The following ZMAT4 variants were observed in gnomAD, a reference collection of about 807,000 sequenced individuals.
The protein encoded by ZMAT4 is zinc finger matrin-type protein 4.
In ZMAT4, 17 loss-of-function variants were observed where a neutral mutation model predicts 28.7. That is an observed-to-expected ratio of 0.59 (90% CI 0.41 to 0.89). The LOEUF is 0.89. Ranked by LOEUF, ZMAT4 falls within the 40% of genes least tolerant of loss-of-function variation. The pLI, the probability that ZMAT4 is intolerant of heterozygous loss-of-function variation, is 0.00. For synonymous variants in ZMAT4, 117 were observed against 109.2 expected, an observed-to-expected ratio of 1.07 and a Z score of -0.44; for missense variants, 240 against 283.8, an observed-to-expected ratio of 0.85 and a Z score of 1.11.
At chr8:40,691,567 G>A (rs1357957223) in intron 4 of ZMAT4, among the ~76,000 whole-genome samples, 1 of 152,108 alleles carries the variant, frequency 6.6e-6, no homozygotes, top group Middle Eastern at 3.2e-3. Context: ...AGTGCCAGGA[G>A]AATTAATTTG....
chr8:40,727,537 G>T (rs1473408312), intron 3 of ZMAT4, among the ~76,000 whole-genome samples: 1 of 152,158 alleles, frequency 6.6e-6, no homozygotes, highest in East Asian at 1.9e-4. Context: ...GTGGATACTT[G>T]AACAAAATTG....
intron 2 of ZMAT4, among the ~76,000 whole-genome samples, chr8:40,777,361 A>C (rs1813641859): frequency 6.6e-6 from 1 of 152,176 alleles, no homozygotes; most frequent in African/African-American, 2.4e-5. Flanking sequence ...GACATCTCAG[A>C]CTGAGTGACA....
intron 5 of ZMAT4, among the ~76,000 whole-genome samples, chr8:40,627,207 G>A (rs914556012): frequency 6.6e-6 from 1 of 152,180 alleles, no homozygotes; most frequent in African/African-American, 2.4e-5. Flanking sequence ...GGCTAAGAAT[G>A]TTGCTGTGGA....
chr8:40,883,843 C>T (rs1484060929), intron 1 of ZMAT4, among the ~76,000 whole-genome samples: 4 of 152,156 alleles, frequency 2.6e-5, no homozygotes, highest in African/African-American at 9.7e-5. Context: ...GCTACCTCCG[C>T]AGCAGCTCCA....
intron 2 of ZMAT4, among the ~76,000 whole-genome samples, chr8:40,799,264 G>A (rs1220261067): frequency 1.3e-5 from 2 of 152,148 alleles, no homozygotes; most frequent in Non-Finnish European, 2.9e-5. Context: ...TAGAGAGAGA[G>A]GGAGACAGAT....
chr8:40,656,972 T>C (rs1474618290), intron 5 of ZMAT4, among the ~76,000 whole-genome samples: 3 of 152,162 alleles, frequency 2.0e-5, no homozygotes, highest in African/African-American at 7.2e-5. Flanking sequence ...ACCAGTGAAA[T>C]GTATACTTCA....
Position 40,638,837 on chromosome 8 carries a change from T to C in ZMAT4, c.577+35867A>G, listed in dbSNP as rs148954083. Among the ~76,000 whole-genome samples, 75 of 152,310 alleles carry C rather than the reference T, an allele frequency of 4.9e-4. No homozygotes were observed. In the East Asian group the frequency reaches 0.014, roughly 29 times the overall value. ...GTGTAAATGTACAAGGTAATAAGTA[T>C]GGGGAATAAAAAAGGATAATGAAGA... is the stretch of plus-strand genomic sequence containing the variant. On this transcript the variant is annotated intron_variant, in intron 5 of 6. Coordinates refer to ENST00000297737, the MANE Select transcript of ZMAT4 (RefSeq NM_024645.3).
Position 40,825,629 on chromosome 8 carries a change from G to T in ZMAT4, c.48C>A (p.Cys16Ter), listed in dbSNP as rs762314111. 6 of 1,555,730 alleles carry T rather than the reference G, an allele frequency of 3.9e-6. No homozygotes were observed. Among genetic ancestry groups the T allele is most frequent in the Non-Finnish European group, 4.4e-6 (5 of 1,148,560 alleles). Residue 16 changes from cysteine to a stop codon, truncating the protein, a stop_gained, in exon 2 of 7, where the codon TGC (cysteine) becomes TGA (stop). Transcript: ENST00000297737. LOFTEE classifies it high-confidence loss of function. ...AGATCAGCTGTGCACTGCACACCTTGCAGTAACTGTCTGTGAATAAATCCT... is the reference window on the plus strand; with the variant it reads ...AGATCAGCTGTGCACTGCACACCTTTCAGTAACTGTCTGTGAATAAATCCT... ...IDQDLFTDSY[C>*]KVCSAQLISE... is the part of the protein sequence containing the mutation.
At chr8:40,571,516 G>A (rs933241230) in intron 6 of ZMAT4, among the ~76,000 whole-genome samples, 2 of 152,096 alleles carry the variant, frequency 1.3e-5, no homozygotes, top group Admixed American at 1.3e-4. Flanking sequence ...TTAAAGACAG[G>A]GCTAGGTAGA....
chr8:40,891,785 C>T (rs13262013), intron 1 of ZMAT4, among the ~76,000 whole-genome samples: 4,731 of 152,280 alleles, frequency 0.031, 112 homozygotes, highest in South Asian at 0.077. Flanking sequence ...GGAAGGGTCG[C>T]GCCTCCCCAC....
At chr8:40,881,538 GA>G (rs373957515) in intron 1 of ZMAT4, among the ~76,000 whole-genome samples, 2 of 70,300 alleles carry the variant, frequency 2.8e-5, no homozygotes, top group Non-Finnish European at 5.5e-5. Flanking sequence ...CAGAAAGAAA[GA>G]AAGAAAGAAA....
chr8:40,818,448 G>T (rs938567183), intron 2 of ZMAT4, among the ~76,000 whole-genome samples: 1 of 152,176 alleles, frequency 6.6e-6, no homozygotes, highest in African/African-American at 2.4e-5. Context: ...TATCTGTGTA[G>T]TAAGTCCTAG....
intron 4 of ZMAT4, among the ~76,000 whole-genome samples, chr8:40,695,360 A>G (rs1364235954): frequency 6.6e-6 from 1 of 152,152 alleles, no homozygotes; most frequent in Non-Finnish European, 1.5e-5. Context: ...CCACTTTCCA[A>G]GATCCTTTCT....
chr8:40,744,986 T>C (rs1812159488), intron 3 of ZMAT4, among the ~76,000 whole-genome samples: 1 of 152,038 alleles, frequency 6.6e-6, no homozygotes, highest in East Asian at 1.9e-4. Context: ...ATTTCTAGGC[T>C]GAATAGAAGA....
chr8:40,830,789 A>G (rs1351527722), intron 1 of ZMAT4, among the ~76,000 whole-genome samples: 1 of 152,196 alleles, frequency 6.6e-6, no homozygotes, highest in Non-Finnish European at 1.5e-5. Flanking sequence ...GGCTCTTCAG[A>G]GGGAAAGACA....
intron 2 of ZMAT4, among the ~76,000 whole-genome samples, chr8:40,806,782 G>T (rs1464991240): frequency 2.0e-5 from 3 of 151,844 alleles, no homozygotes; most frequent in Admixed American, 1.3e-4. Context: ...CAAGATTTTT[G>T]ATGTGTTTTT....
intron 5 of ZMAT4, among the ~76,000 whole-genome samples, chr8:40,595,920 C>T (rs1454863364): frequency 6.6e-6 from 1 of 151,984 alleles, no homozygotes; most frequent in Non-Finnish European, 1.5e-5. Flanking sequence ...CCCATCTCTA[C>T]TAAAAATACA....
intron 6 of ZMAT4, among the ~76,000 whole-genome samples, chr8:40,576,068 A>C (rs1474983150): frequency 6.6e-6 from 1 of 152,112 alleles, no homozygotes. Context: ...AAGCAGAAGA[A>C]ATAATTTCTA....
chr8:40,717,462 C>T (rs1810905152), intron 3 of ZMAT4, among the ~76,000 whole-genome samples: 1 of 152,036 alleles, frequency 6.6e-6, no homozygotes, highest in South Asian at 2.1e-4. Context: ...TGAGACCAGC[C>T]TTGGCAACAC....
Sources: gnomAD v4.1 joint callset for allele counts (sites outside exome capture counted in the v4.1 genomes callset) on GRCh38, gnomAD v4.1.1 for gene constraint, MANE v1.5 for transcripts, NCBI Gene and HGNC (gene_info 2026-07-23, HGNC 2026-07-21) for gene names.